CRADD: variants seen among roughly 807,000 people sequenced by gnomAD.
CRADD encodes the protein death domain-containing protein CRADD.
CRADD carries 9 observed loss-of-function variants against 15.5 expected under a neutral mutation model. The observed-to-expected ratio is 0.58, with a 90% CI of 0.35 to 1.01. The LOEUF is 1.01. CRADD is among the 50% of genes least tolerant of loss of function. The pLI is 0.02. For synonymous variants in CRADD, 118 were observed against 107.6 expected (o/e 1.10, Z -0.60); for missense variants, 227 against 250.3 (o/e 0.91, Z 0.63).
At chr12:93,861,421 G>T (rs1384800463) in intron 2 of CRADD, among the ~76,000 whole-genome samples, 1 of 152,248 alleles carries the variant, frequency 6.6e-6, no homozygotes, top group African/African-American at 2.4e-5. Context: ...TCTCCTTCAG[G>T]AATTAAACAT....
rs184147093 is a variant in CRADD at position 93,872,556 on chromosome 12, T to C, written c.299-21494T>C. Among the ~76,000 whole-genome samples, 562 of 152,318 alleles carry C rather than the reference T, an allele frequency of 3.7e-3. 3 individuals carry two copies. Among genetic ancestry groups the C allele is most frequent in the African/African-American group, 0.013 (529 of 41,586 alleles). On this transcript the variant is annotated intron_variant, in intron 2 of 2. Coordinates refer to the CRADD transcript ENST00000548483. ...AGTTCAAGGTCTTAGATTTAAGTCT[T>C]GAATCCATTTTTATTTGATTTTTGT...
chr12:93,719,722 T>G (rs1252799205), intron 2 of CRADD, among the ~76,000 whole-genome samples: 2 of 152,178 alleles, frequency 1.3e-5, no homozygotes, highest in East Asian at 1.9e-4. Flanking sequence ...ATCAAATTTG[T>G]GGGCATAAAG....
chr12:93,861,025 A>G (rs1958315646), intron 2 of CRADD, among the ~76,000 whole-genome samples: 1 of 152,184 alleles, frequency 6.6e-6, no homozygotes, highest in Admixed American at 6.5e-5. Context: ...TAAACTCATG[A>G]CATTTTAATA....
chr12:93,868,973 A>G (rs1958394996), intron 2 of CRADD, among the ~76,000 whole-genome samples: 1 of 152,200 alleles, frequency 6.6e-6, no homozygotes, highest in African/African-American at 2.4e-5. Flanking sequence ...CTTTAACCAC[A>G]AATGTACAGG....
intron 2 of CRADD, among the ~76,000 whole-genome samples, chr12:93,817,782 G>A (rs903024935): frequency 3.9e-5 from 6 of 152,168 alleles, no homozygotes; most frequent in African/African-American, 1.4e-4. Flanking sequence ...GGCTGGGAAT[G>A]CATGACACTC....
At chr12:93,893,195 A>G (rs906546375) in intron 2 of CRADD, among the ~76,000 whole-genome samples, 1 of 152,204 alleles carries the variant, frequency 6.6e-6, no homozygotes, top group African/African-American at 2.4e-5. Flanking sequence ...TGGAGGGGTG[A>G]AATCAGCCAG....
At chr12:93,784,595 T>G (rs1957254561) in intron 2 of CRADD, among the ~76,000 whole-genome samples, 1 of 152,022 alleles carries the variant, frequency 6.6e-6, no homozygotes, top group Non-Finnish European at 1.5e-5. Flanking sequence ...CTTAAAACCC[T>G]TTGTTCTGTG....
At chr12:93,734,952 T>A (rs973551499) in intron 2 of CRADD, among the ~76,000 whole-genome samples, 2 of 152,172 alleles carry the variant, frequency 1.3e-5, no homozygotes, top group Admixed American at 6.5e-5. Flanking sequence ...CATATGTGCT[T>A]TCTCATAGCA....
intron 2 of CRADD, among the ~76,000 whole-genome samples, chr12:93,863,424 G>A (rs1958333535): frequency 2.0e-5 from 3 of 152,116 alleles, no homozygotes; most frequent in Non-Finnish European, 2.9e-5. Flanking sequence ...TTGAACTTGA[G>A]TTTTATCTTC....
chr12:93,828,119 T>G (rs1957846353), intron 2 of CRADD, among the ~76,000 whole-genome samples: 1 of 152,244 alleles, frequency 6.6e-6, no homozygotes, highest in Non-Finnish European at 1.5e-5. Flanking sequence ...TCTTCTTAGC[T>G]GAAGTGTCTG....
intron 2 of CRADD, among the ~76,000 whole-genome samples, chr12:93,846,319 T>C (rs556032498): frequency 1.3e-5 from 2 of 152,332 alleles, no homozygotes; most frequent in African/African-American, 4.8e-5. Context: ...CTGGATCATA[T>C]GCTAATTCTA....
chr12:93,850,983 G>A (rs1022122676), downstream of CRADD, among the ~76,000 whole-genome samples: 4 of 152,062 alleles, frequency 2.6e-5, no homozygotes, highest in East Asian at 1.9e-4. The surrounding 1 kb of genome is among the most constrained non-coding windows in gnomAD (Gnocchi z 4.0). Flanking sequence ...ATGCATACCC[G>A]AGCCCTTCAT....
chr12:93,861,958 C>G (rs1408103349), intron 2 of CRADD, among the ~76,000 whole-genome samples: 1 of 152,098 alleles, frequency 6.6e-6, no homozygotes, highest in African/African-American at 2.4e-5. Flanking sequence ...GGGTCGGTTT[C>G]CCCCATACTT....
chr12:93,711,055 C>CCCCCCCTTTTTTTTT, intron 2 of CRADD, among the ~76,000 whole-genome samples: 3 of 43,508 alleles, frequency 6.9e-5, no homozygotes, highest in Non-Finnish European at 8.8e-5. Flanking sequence ...CCACCCCCGC[C>CCCCCCCTTTTTTTTT]TTTTTTTTTT....
chr12:93,845,135 C>G (rs183467464), intron 2 of CRADD, among the ~76,000 whole-genome samples: 18 of 152,242 alleles, frequency 1.2e-4, no homozygotes, highest in African/African-American at 4.1e-4. Flanking sequence ...ATTTAACTCC[C>G]CTCCAAAAGA....
chr12:93,837,329 G>A (rs1957985503), intron 2 of CRADD: 1 of 151,990 alleles, frequency 6.6e-6, no homozygotes, highest in Non-Finnish European at 1.5e-5. Context: ...GAGTGCAGTG[G>A]TGCGATCTGC....
intron 2 of CRADD, among the ~76,000 whole-genome samples, chr12:93,885,920 T>C (rs1958533546): frequency 6.6e-6 from 1 of 152,012 alleles, no homozygotes; most frequent in African/African-American, 2.4e-5. Flanking sequence ...GCACCTGTAA[T>C]CCCAGCTACT....
At chr12:93,807,866 T>C (rs912477524) in intron 2 of CRADD, among the ~76,000 whole-genome samples, 3 of 149,288 alleles carry the variant, frequency 2.0e-5, no homozygotes, top group Admixed American at 6.9e-5. Context: ...TTGGTTTACA[T>C]TGGAAAACAG....
At position 93,880,276 on chromosome 12, in the gene CRADD, CT is replaced by C. The variant is rs753909704; in HGVS notation, c.299-13765del. On this transcript the variant is annotated intron_variant, in intron 2 of 2. Coordinates refer to the CRADD transcript ENST00000548483. ...TTAGTGCACCACCTTGAACCAACCC[CT>C]TTTTTTTTCTTCAAGTGGAAGAGGA... 9.9e-5 allele frequency among the ~76,000 whole-genome samples: 15 copies of C among 151,492 alleles called. 1 individual carries two copies. Among genetic ancestry groups the C allele is most frequent in the African/African-American group, 3.4e-4 (14 of 41,330 alleles).
Sources: gnomAD v4.1 joint callset for allele counts (sites outside exome capture counted in the v4.1 genomes callset) on GRCh38, gnomAD v4.1.1 for gene constraint, Gnocchi (gnomAD v3.1) non-coding constraint, MANE v1.5 for transcripts, NCBI Gene and HGNC (gene_info 2026-07-23, HGNC 2026-07-21) for gene names.